ZC3H12B: variants seen among roughly 807,000 people sequenced by gnomAD.
ZC3H12B encodes probable ribonuclease ZC3H12B.
In ZC3H12B, 7 loss-of-function variants were observed where a neutral mutation model predicts 43.9. The ratio of observed to expected loss-of-function variants is 0.16; its 90% CI spans 0.09 to 0.30. The LOEUF is 0.30. Among genes scored for constraint, ZC3H12B ranks in the 10% least tolerant of loss-of-function variants. The pLI is 1.00. For synonymous variants in ZC3H12B, 222 were observed against 241.7 expected, an observed-to-expected ratio of 0.92 and a Z score of 0.76; for missense variants, 475 against 670.2, an observed-to-expected ratio of 0.71 and a Z score of 3.22.
At chrX:65,157,826 G>T in the ZC3H12B span, among the ~76,000 whole-genome samples, 1 of 106,381 alleles carries the variant, frequency 9.4e-6, no homozygotes, top group Non-Finnish European at 1.9e-5. Flanking sequence ...CAATATGCAG[G>T]TTAGTTACAT....
At chrX:65,399,461 C>T (rs1432530432) in intron 3 of ZC3H12B, among the ~76,000 whole-genome samples, 2 of 111,445 alleles carry the variant, frequency 1.8e-5, no homozygotes, top group Admixed American at 9.5e-5. Context: ...CTGAGAAATG[C>T]ACATCAAAAC....
At chrX:65,487,062 C>G (rs1461843860), upstream of ZC3H12B, among the ~76,000 whole-genome samples, 3 of 112,456 alleles carry the variant, frequency 2.7e-5, no homozygotes, top group Non-Finnish European at 5.6e-5. Flanking sequence ...TTGACTAATT[C>G]ACTAAGGGAA....
chrX:65,493,477 A>G (rs1437677342), intron 1 of ZC3H12B, among the ~76,000 whole-genome samples: 1 of 112,296 alleles, frequency 8.9e-6, no homozygotes, highest in Non-Finnish European at 1.9e-5. Context: ...CCACATACTG[A>G]TTGATATATG....
intron 1 of ZC3H12B, among the ~76,000 whole-genome samples, 184 bp from the exon 4 acceptor site, chrX:65,368,645 C>A (rs1202139498): frequency 8.9e-6 from 1 of 111,916 alleles, no homozygotes; most frequent in Admixed American, 9.6e-5. Flanking sequence ...TAAAAAAGTG[C>A]TACATCTTGG....
rs1569413182 is a variant in ZC3H12B, at chrX:65,450,743, A to ATATACATATGTGTATATATGTATATG, written n.408-37877_408-37852dup. ...TACATATGTGTATATATGTATATAT[A>ATATACATATGTGTATATATGTATATG]TATACATATGTGTATATATGTATAT... On this transcript the variant is annotated intron_variant and non_coding_transcript_variant, in intron 3 of 5. Coordinates refer to the ZC3H12B transcript ENST00000617377. 8.2e-3 allele frequency among the ~76,000 whole-genome samples: 357 copies of ATATACATATGTGTATATATGTATATG among 43,723 alleles called. 36 individuals carry two copies. Among genetic ancestry groups the ATATACATATGTGTATATATGTATATG allele is most frequent in the Middle Eastern group, 0.04 (2 of 50 alleles). The allele number at this position is 43,723 out of a possible 115,157, so 38.0% of individuals were successfully genotyped here. A position where few individuals can be genotyped will look rare whatever the true frequency, so the allele number is the denominator to read the frequency against.
the ZC3H12B span, among the ~76,000 whole-genome samples, chrX:65,173,573 C>T: frequency 9.0e-6 from 1 of 111,449 alleles, no homozygotes; most frequent in Non-Finnish European, 1.9e-5. Context: ...ATAAACAGCT[C>T]TTATTATTTT....
chrX:65,416,074 A>G (rs780297768), intron 3 of ZC3H12B, among the ~76,000 whole-genome samples: 5 of 111,866 alleles, frequency 4.5e-5, no homozygotes, highest in Non-Finnish European at 9.4e-5. Flanking sequence ...ACAGAATTAA[A>G]CTTCTTCATG....
the ZC3H12B span, among the ~76,000 whole-genome samples, chrX:65,096,569 G>C: frequency 9.0e-6 from 1 of 111,400 alleles, no homozygotes; most frequent in Non-Finnish European, 1.9e-5. Flanking sequence ...GACATTCTGA[G>C]CTTGAGGATA....
chrX:65,173,840 G>A, the ZC3H12B span, among the ~76,000 whole-genome samples: 1 of 111,624 alleles, frequency 9.0e-6, no homozygotes, highest in Non-Finnish European at 1.9e-5. Flanking sequence ...TTGCATTGAC[G>A]TTCATCAGGG....
At chrX:65,193,115 T>TG in the ZC3H12B span, among the ~76,000 whole-genome samples, 1 of 109,679 alleles carries the variant, frequency 9.1e-6, no homozygotes, top group African/African-American at 3.3e-5. Context: ...GAAGGTTTTT[T>TG]TTTTTTTTTC....
chrX:65,390,606 T>C (rs779158231), intron 2 of ZC3H12B, among the ~76,000 whole-genome samples: 1 of 111,113 alleles, frequency 9.0e-6, no homozygotes, highest in East Asian at 2.8e-4. Flanking sequence ...AAGAAAGAGA[T>C]ACAATAATGC....
At chrX:65,226,249 G>C in the ZC3H12B span, among the ~76,000 whole-genome samples, 1 of 111,433 alleles carries the variant, frequency 9.0e-6, no homozygotes, top group African/African-American at 3.3e-5. Flanking sequence ...TTTCAACCCA[G>C]AATTTCATAT....
the ZC3H12B span, among the ~76,000 whole-genome samples, chrX:65,078,717 G>A: frequency 1.8e-5 from 2 of 110,897 alleles, no homozygotes; most frequent in Admixed American, 9.5e-5. Flanking sequence ...CTCTTTGGAG[G>A]AATTTTCTTT....
chrX:65,172,963 A>C, the ZC3H12B span, among the ~76,000 whole-genome samples: 7 of 112,086 alleles, frequency 6.2e-5, no homozygotes, highest in Admixed American at 6.7e-4. Context: ...TCTGCTTACA[A>C]AGTCAATGGT....
intron 2 of ZC3H12B, among the ~76,000 whole-genome samples, chrX:65,386,933 A>C (rs2066535899): frequency 1.8e-5 from 2 of 111,557 alleles, no homozygotes; most frequent in Non-Finnish European, 3.8e-5. Context: ...CAGATTGTTC[A>C]GTTTCCATGT....
the ZC3H12B span, among the ~76,000 whole-genome samples, chrX:65,188,093 A>G: frequency 9.0e-6 from 1 of 111,502 alleles, no homozygotes. Flanking sequence ...TTCACTTAAC[A>G]TAATGACCTC....
intron 2 of ZC3H12B, among the ~76,000 whole-genome samples, chrX:65,387,992 G>C (rs2148024177): frequency 8.9e-6 from 1 of 112,294 alleles, no homozygotes; most frequent in Admixed American, 9.4e-5. Context: ...GGCTTGTAGA[G>C]TTTCTGCCGA....
chrX:65,209,397 T>A, the ZC3H12B span, among the ~76,000 whole-genome samples: 5 of 78,879 alleles, frequency 6.3e-5, no homozygotes, highest in East Asian at 2.1e-3. Flanking sequence ...CTCGTTGGTT[T>A]CAAAGAACAT....
chrX:65,091,745 A>G, the ZC3H12B span, among the ~76,000 whole-genome samples: 1 of 112,152 alleles, frequency 8.9e-6, no homozygotes, highest in South Asian at 3.7e-4. Flanking sequence ...CAGTGTTCAA[A>G]TACCGGTTTG....
Sources: gnomAD v4.1 joint callset for allele counts (sites outside exome capture counted in the v4.1 genomes callset) on GRCh38, gnomAD v4.1.1 for gene constraint, MANE v1.5 for transcripts, NCBI Gene and HGNC (gene_info 2026-07-23, HGNC 2026-07-21) for gene names.